The following KCNIP4 variants were observed in gnomAD, a reference collection of about 807,000 sequenced individuals.
KCNIP4 encodes the protein potassium voltage-gated channel interacting protein 4, also known as Kv channel-interacting protein 4.
In KCNIP4, 12 loss-of-function variants were observed where a neutral mutation model predicts 34.0. The observed-to-expected ratio is 0.35, with a 90% CI of 0.23 to 0.57. The LOEUF is 0.57. Ranked by LOEUF, KCNIP4 falls within the 20% of genes least tolerant of loss-of-function variation. The pLI, the probability that KCNIP4 is intolerant of heterozygous loss-of-function variation, is 0.83. For missense variants in KCNIP4, 238 were observed against 311.7 expected (o/e 0.76, Z 1.78); for synonymous variants, 124 against 102.2 (o/e 1.21, Z -1.29).
intron 3 of KCNIP4, among the ~76,000 whole-genome samples, chr4:20,831,820 T>C (rs1010115209): frequency 6.6e-6 from 1 of 152,220 alleles, no homozygotes; most frequent in Non-Finnish European, 1.5e-5. Context: ...TTGATTCTGC[T>C]GCTGACAAGC....
intron 1 of KCNIP4, among the ~76,000 whole-genome samples, chr4:20,998,871 C>A (rs989387421): frequency 4.6e-5 from 7 of 152,172 alleles, no homozygotes; most frequent in Admixed American, 4.6e-4. Flanking sequence ...CAATCCAAGA[C>A]AATTCAACAA....
At chr4:21,209,597 CTCTATCTA>C (rs547084193) in intron 1 of KCNIP4, among the ~76,000 whole-genome samples, 655 of 152,008 alleles carry the variant, frequency 4.3e-3, no homozygotes, top group Non-Finnish European at 7.1e-3. Flanking sequence ...TAGGTCATAT[CTCTATCTA>C]TCTATCTATC....
chr4:21,203,225 A>G (rs1756615739), intron 1 of KCNIP4, among the ~76,000 whole-genome samples: 1 of 152,200 alleles, frequency 6.6e-6, no homozygotes, highest in African/African-American at 2.4e-5. Flanking sequence ...GGCTCTGGAC[A>G]GGCAGGTCTC....
rs369292269 is a variant in KCNIP4 at position 21,580,641 on chromosome 4, T to C, written c.61+367930A>G. Among the ~76,000 whole-genome samples the C allele has an allele frequency of 1.7e-3, 258 of 152,230 alleles. 10 individuals carry two copies. The South Asian group carries it at 0.047, about 28-fold the overall frequency. ...AAACAAATGTTTAAAATGATCATTC[T>C]CAGCATTCTCCCAAATATTTTTACA... On this transcript the variant is annotated intron_variant, in intron 1 of 8. Transcript: ENST00000382152.
intron 3 of KCNIP4, among the ~76,000 whole-genome samples, chr4:20,801,873 TA>T (rs1193338710): frequency 6.6e-6 from 1 of 151,806 alleles, no homozygotes; most frequent in Non-Finnish European, 1.5e-5. Context: ...AATCCTTTAA[TA>T]AAAAGATGGA....
At chr4:21,278,169 T>A (rs1762551138) in intron 1 of KCNIP4, among the ~76,000 whole-genome samples, 1 of 152,138 alleles carries the variant, frequency 6.6e-6, no homozygotes, top group South Asian at 2.1e-4. Context: ...GAAGAGGATG[T>A]GGAATGTAAC....
intron 1 of KCNIP4, among the ~76,000 whole-genome samples, chr4:21,229,566 T>C (rs1047500354): frequency 6.6e-6 from 1 of 152,126 alleles, no homozygotes; most frequent in Non-Finnish European, 1.5e-5. Flanking sequence ...TATCATCTAT[T>C]GGGAGAAATC....
intron 1 of KCNIP4, among the ~76,000 whole-genome samples, chr4:21,546,635 T>A (rs1250233796): frequency 6.6e-6 from 1 of 152,170 alleles, no homozygotes; most frequent in African/African-American, 2.4e-5. Flanking sequence ...ATTATACTCA[T>A]ACTAAATCTG....
intron 1 of KCNIP4, among the ~76,000 whole-genome samples, chr4:21,337,520 T>C (rs907953154): frequency 1.5e-4 from 23 of 152,098 alleles, no homozygotes; most frequent in African/African-American, 5.6e-4. Flanking sequence ...TTTTATCAGG[T>C]GGTTTAAAAG....
chr4:21,831,532 T>C (rs1306305053), intron 1 of KCNIP4, among the ~76,000 whole-genome samples: 1 of 151,596 alleles, frequency 6.6e-6, no homozygotes, highest in African/African-American at 2.4e-5. Context: ...AATTATACAC[T>C]AACAAATTGA....
At chr4:21,615,391 A>G (rs1172725680) in intron 1 of KCNIP4, among the ~76,000 whole-genome samples, 2 of 151,090 alleles carry the variant, frequency 1.3e-5, no homozygotes, top group Non-Finnish European at 3.0e-5. Flanking sequence ...ATACAAAAAA[A>G]AAAAAATTAG....
chr4:21,568,973 G>A (rs1366014174), intron 1 of KCNIP4, among the ~76,000 whole-genome samples: 1 of 151,894 alleles, frequency 6.6e-6, no homozygotes, highest in African/African-American at 2.4e-5. Flanking sequence ...GTCAAAAATG[G>A]TCAATAAACC....
chr4:21,846,544 T>C (rs1724026925), intron 1 of KCNIP4: 1 of 152,112 alleles, frequency 6.6e-6, no homozygotes, highest in Non-Finnish European at 1.5e-5. Flanking sequence ...GAGAATGAAG[T>C]GATTAAAGAA....
At chr4:21,904,418 A>C (rs892097426) in intron 1 of KCNIP4, among the ~76,000 whole-genome samples, 1 of 152,198 alleles carries the variant, frequency 6.6e-6, no homozygotes, top group Non-Finnish European at 1.5e-5. Flanking sequence ...ATGTGACAGG[A>C]TCTAATATAA....
chr4:21,600,446 T>C (rs1743017752), intron 1 of KCNIP4, among the ~76,000 whole-genome samples: 1 of 152,140 alleles, frequency 6.6e-6, no homozygotes, highest in Non-Finnish European at 1.5e-5. Flanking sequence ...TAAATTGGTG[T>C]AATTGGGCTA....
At chr4:20,734,474 C>T (rs1416151263) in intron 6 of KCNIP4, among the ~76,000 whole-genome samples, 154 bp downstream of exon 6, 1 of 152,118 alleles carries the variant, frequency 6.6e-6, no homozygotes, top group Non-Finnish European at 1.5e-5. Context: ...CTACTTCTAT[C>T]CCAAGTTTTT....
At chr4:20,765,798 C>CAT (rs1755345705) in intron 3 of KCNIP4, among the ~76,000 whole-genome samples, 1 of 152,084 alleles carries the variant, frequency 6.6e-6, no homozygotes, top group South Asian at 2.1e-4. Context: ...ATATAACTGC[C>CAT]ATAGATTTGT....
chr4:21,522,258 A>G (rs1450237995), intron 1 of KCNIP4, among the ~76,000 whole-genome samples: 1 of 152,170 alleles, frequency 6.6e-6, no homozygotes, highest in Admixed American at 6.5e-5. Context: ...CAGGCACCAC[A>G]TTTTTTAACC....
intron 1 of KCNIP4, among the ~76,000 whole-genome samples, chr4:21,742,661 A>G (rs1716494524): frequency 6.6e-6 from 1 of 152,194 alleles, no homozygotes; most frequent in South Asian, 2.1e-4. Context: ...GTATATGCAA[A>G]TCATTCCTCA....
Sources: allele counts gnomAD v4.1 joint callset (sites outside exome capture counted in the v4.1 genomes callset), GRCh38; gene constraint gnomAD v4.1.1; transcripts MANE v1.5; gene names NCBI Gene and HGNC (gene_info 2026-07-23, HGNC 2026-07-21).